ANKRD36: variants seen among roughly 807,000 people sequenced by gnomAD.
ANKRD36 encodes ankyrin repeat domain 36.
Under a neutral mutation model 278.1 loss-of-function variants are expected in ANKRD36, and 179 were observed. That is an observed-to-expected ratio of 0.64 (90% CI 0.57 to 0.73). The LOEUF (loss-of-function observed/expected upper bound fraction) is 0.73. Ranked by LOEUF, ANKRD36 falls within the 30% of genes least tolerant of loss-of-function variation. The probability of loss-of-function intolerance (pLI) is 0.00; values close to 1 mark genes in which losing one functional copy is unlikely to be tolerated. For synonymous variants in ANKRD36, 320 were observed against 641.1 expected (o/e 0.50, Z 7.57); for missense variants, 1,159 against 1,956.7 (o/e 0.59, Z 7.69).
chr2:97,156,790 C>T (rs1261249507), intron 15 of ANKRD36, among the ~76,000 whole-genome samples: 8 of 145,510 alleles, frequency 5.5e-5, no homozygotes, highest in East Asian at 2.1e-4. Context: ...CCTGAGGAAT[C>T]GCCACACTGA....
In ANKRD36 at chr2:97,183,639, G is replaced by T. The variant is rs1297436266; in HGVS notation, c.1924G>T (p.Gly642Trp). 1 of 1,574,034 alleles carries T rather than the reference G, an allele frequency of 6.4e-7. No individual in the cohort carries two copies. Among genetic ancestry groups the T allele is most frequent in the Non-Finnish European group, 8.6e-7 (1 of 1,159,930 alleles). The change falls in exon 28 of 76, where the codon GGG becomes TGG. Residue 642 changes from glycine to tryptophan, a missense_variant. Transcript: ENST00000420699. The stretch of plus-strand genomic sequence containing the variant: ...TATTGCCACAAGAATAATGGGTGGT[G>T]GGAAATCTGGAACAGGTAATTTGGC... ...LNIATRIMGG[G>W]KSGTVSSQKQ...
In ANKRD36 at chr2:97,164,507, AG is replaced by A. The variant is rs2050102339; in HGVS notation, c.1531+39del. 2.0e-6 allele frequency: 3 copies of A among 1,524,806 alleles called. No individual in the cohort carries two copies. The African/African-American group carries it at 4.1e-5, about 21-fold the overall frequency. The allele number at this position is 1,524,806 out of a possible 1,614,324, so 94.5% of individuals were successfully genotyped here. On this transcript the variant is annotated intron_variant, in intron 20 of 75. Transcript: ENST00000420699. ...CTACAAATTTCGTTCTAGAAAATGT[AG>A]ATGAAAATATTGAAAATGCTCATAG...
chr2:97,225,539 C>T (rs1205498058), intron 67 of ANKRD36, among the ~76,000 whole-genome samples: 1 of 151,990 alleles, frequency 6.6e-6, no homozygotes, highest in Non-Finnish European at 1.5e-5. Context: ...AGAACTTAAG[C>T]CTATAATCTA....
Position 97,217,356 on chromosome 2 carries a change from T to C in ANKRD36, c.3759T>C (p.Gly1253=), listed in dbSNP as rs763094712. The change falls in exon 64 of 76, where the codon GGT becomes GGC. Residue 1253 remains glycine (G), a synonymous_variant. Transcript: ENST00000420699. ...LLNIATRITG[G]WKSGTEYPEN... is the part of the protein sequence containing the mutation. ...ATATTGCCACAAGAATAACAGGCGG[T>C]TGGAAATCTGGAACAGGTAATTTAG... The C allele has an allele frequency of 2.6e-6, 4 of 1,550,198 alleles. No homozygotes were observed. Among genetic ancestry groups the C allele is most frequent in the East Asian group, 2.5e-5 (1 of 40,506 alleles).
chr2:97,195,853 T>C (rs1196685653), intron 40 of ANKRD36, among the ~76,000 whole-genome samples: 1 of 151,948 alleles, frequency 6.6e-6, no homozygotes, highest in Non-Finnish European at 1.5e-5. Context: ...CTAATGGTTG[T>C]GGCAGTTTTA....
At chr2:97,250,626 C>T (rs1439911993) in intron 75 of ANKRD36, among the ~76,000 whole-genome samples, 9 of 120,584 alleles carry the variant, frequency 7.5e-5, no homozygotes, top group Admixed American at 8.5e-5. Flanking sequence ...AATCTCTAGT[C>T]ATTGACTTTG....
At chr2:97,118,575 A>AG (rs2036148307) in intron 3 of ANKRD36, 58 bp downstream of exon 3, 1 of 1,360,532 alleles carries the variant, frequency 7.4e-7, no homozygotes, top group Non-Finnish European at 9.8e-7. Flanking sequence ...TTTAACATTG[A>AG]CACATGTAAG....
intron 24 of ANKRD36, among the ~76,000 whole-genome samples, chr2:97,181,020 C>T (rs553399517): frequency 6.6e-5 from 10 of 151,796 alleles, no homozygotes; most frequent in African/African-American, 1.9e-4. Flanking sequence ...CAAATTATTA[C>T]ACCACATGGG....
chr2:97,202,483 G>C, intron 48 of ANKRD36, 90 bp downstream of exon 48: 2 of 1,514,884 alleles, frequency 1.3e-6, no homozygotes, highest in Non-Finnish European at 8.9e-7. Flanking sequence ...GCTCGTCGAA[G>C]CTGCACTTTC....
At chr2:97,219,135 A>G (rs1161098091) in intron 65 of ANKRD36, 39 bp from the exon 66 acceptor site, 3 of 1,545,444 alleles carry the variant, frequency 1.9e-6, no homozygotes, top group Admixed American at 3.9e-5. Context: ...ATACCAATAT[A>G]CATCATGTGC....
At position 97,250,630 on chromosome 2, in the gene ANKRD36, G is replaced by C. The variant is rs570565414; in HGVS notation, c.*6+457G>C. Among the ~76,000 whole-genome samples, 1,083 of 120,004 alleles carry C rather than the reference G, an allele frequency of 9.0e-3. 1 individual carries two copies. The highest frequency in any genetic ancestry group is 6.7e-3 in the Non-Finnish European group (432 of 64,882). 78.7% of individuals were successfully genotyped at this position (120,004 alleles called of 152,430 possible). On this transcript the variant is annotated intron_variant, in intron 75 of 75. Transcript: ENST00000420699. The stretch of plus-strand genomic sequence containing the variant: ...GTGACATTTTAAATCTCTAGTCATT[G>C]ACTTTGTCATTGGTTTACTTTTGCC...
intron 22 of ANKRD36, among the ~76,000 whole-genome samples, chr2:97,172,675 G>C (rs1248028623): frequency 1.3e-5 from 2 of 152,120 alleles, no homozygotes; most frequent in Non-Finnish European, 2.9e-5. Context: ...TGTCCTCTTG[G>C]CTCCCCTTCA....
intron 66 of ANKRD36, among the ~76,000 whole-genome samples, chr2:97,222,019 C>T (rs1285284341): frequency 1.3e-5 from 2 of 150,636 alleles, no homozygotes; most frequent in African/African-American, 4.9e-5. Context: ...TTCCCAGCAC[C>T]ATTTATTAAA....
chr2:97,134,649 A>G (rs892624141), intron 6 of ANKRD36, among the ~76,000 whole-genome samples: 3 of 152,070 alleles, frequency 2.0e-5, no homozygotes, highest in Non-Finnish European at 4.4e-5. Flanking sequence ...GAGTCATACT[A>G]TTTTTGTTTA....
chr2:97,156,907 A>G (rs1398109688), intron 15 of ANKRD36, among the ~76,000 whole-genome samples: 3 of 151,642 alleles, frequency 2.0e-5, no homozygotes, highest in African/African-American at 7.3e-5. Flanking sequence ...TTTAATGATC[A>G]CCATTCTAAC....
intron 66 of ANKRD36, among the ~76,000 whole-genome samples, chr2:97,222,746 C>G (rs547361661): frequency 6.6e-6 from 1 of 152,080 alleles, no homozygotes; most frequent in Non-Finnish European, 1.5e-5. Flanking sequence ...AATTAAGAGG[C>G]TTTCCTCTTC....
At position 97,179,758 on chromosome 2, in the gene ANKRD36, G is replaced by A; in HGVS notation, c.1654G>A (p.Ala552Thr). The A allele has an allele frequency of 1.3e-6, 2 of 1,593,560 alleles. No homozygotes were observed. Among genetic ancestry groups the A allele is most frequent in the Non-Finnish European group, 1.7e-6 (2 of 1,177,298 alleles). ...TTCAGTGTCTTCTCAGAAACAACCA[G>A]CTGAGAAGGTAATTAAAGTCTCATT... ...PGKVSSQKQP[A>T]EKATSDDKDS... Residue 552 changes from alanine (A) to threonine (T), a missense_variant, in exon 23 of 76, where the codon GCT (alanine) becomes ACT (threonine). By Grantham distance (58) the Ala-to-Thr change is moderately conservative. Transcript: ENST00000420699.
At chr2:97,163,195 CG>C (rs2049512150) in intron 18 of ANKRD36, 2 of 363,476 alleles carry the variant, frequency 5.5e-6, no homozygotes, top group East Asian at 1.6e-4. Flanking sequence ...TGAACCCAGG[CG>C]GCGGAGGTTG....
chr2:97,131,454 C>T (rs1357250907), intron 6 of ANKRD36, among the ~76,000 whole-genome samples: 1 of 152,102 alleles, frequency 6.6e-6, no homozygotes, highest in Non-Finnish European at 1.5e-5. Context: ...CTGCCTCAGC[C>T]TCCCAAAGTG....
Sources: allele counts gnomAD v4.1 joint callset (sites outside exome capture counted in the v4.1 genomes callset), GRCh38; gene constraint gnomAD v4.1.1; transcripts MANE v1.5; gene names NCBI Gene and HGNC (gene_info 2026-07-23, HGNC 2026-07-21).